Variants in ST8SIA6 observed in about 807,000 individuals in gnomAD.
ST8SIA6 encodes the protein alpha-2,8-sialyltransferase 8F.
ST8SIA6 carries 39 observed loss-of-function variants against 33.6 expected under a neutral mutation model. The observed-to-expected ratio is 1.16, with a 90% CI of 0.90 to 1.52. The LOEUF (loss-of-function observed/expected upper bound fraction) is 1.52. ST8SIA6 is among the 40% of genes most tolerant of loss of function. ST8SIA6 has a pLI of 0.00. For missense variants in ST8SIA6, 441 were observed against 443.8 expected, an observed-to-expected ratio of 0.99 and a Z score of 0.06; for synonymous variants, 172 against 167.2, an observed-to-expected ratio of 1.03 and a Z score of -0.22.
intron 4 of ST8SIA6, among the ~76,000 whole-genome samples, chr10:17,334,760 A>G (rs12254144): frequency 0.34 from 50,900 of 151,920 alleles, 9,910 homozygotes; most frequent in African/African-American, 0.53. Flanking sequence ...ACGTTTCAAA[A>G]TGATTACCAT....
intron 2 of ST8SIA6, among the ~76,000 whole-genome samples, chr10:17,449,460 T>C (rs1852834429): frequency 6.6e-6 from 1 of 152,186 alleles, no homozygotes. Context: ...CCTAGACCAC[T>C]TGAAACATCT....
chr10:17,400,597 T>G (rs922233981), intron 2 of ST8SIA6, among the ~76,000 whole-genome samples: 10 of 152,146 alleles, frequency 6.6e-5, no homozygotes, highest in Non-Finnish European at 1.5e-4. Flanking sequence ...CAAGTGGGCT[T>G]ATCCCTGGGA....
intron 4 of ST8SIA6, among the ~76,000 whole-genome samples, chr10:17,339,733 A>G (rs751173704): frequency 2.0e-5 from 3 of 152,206 alleles, no homozygotes; most frequent in Non-Finnish European, 2.9e-5. Context: ...TACATAGATT[A>G]TTTCACTTAA....
chr10:17,441,880 T>TC (rs1852508204), intron 2 of ST8SIA6, among the ~76,000 whole-genome samples: 1 of 151,952 alleles, frequency 6.6e-6, no homozygotes, highest in Non-Finnish European at 1.5e-5. Flanking sequence ...AATTTTTTTT[T>TC]TTTTTTGAGA....
intron 3 of ST8SIA6, among the ~76,000 whole-genome samples, chr10:17,371,228 C>T (rs1438168341): frequency 1.3e-5 from 2 of 152,120 alleles, no homozygotes; most frequent in Non-Finnish European, 2.9e-5. Context: ...AGAGGGAATT[C>T]CAGGACATCA....
intron 2 of ST8SIA6, among the ~76,000 whole-genome samples, chr10:17,406,903 T>TC (rs1191576448): frequency 1.3e-5 from 2 of 151,386 alleles, no homozygotes; most frequent in Non-Finnish European, 2.9e-5. Flanking sequence ...CAAGTGATTC[T>TC]CCCCCATCAG....
chr10:17,369,993 CT>C (rs34231362), intron 3 of ST8SIA6, among the ~76,000 whole-genome samples: 27,272 of 142,202 alleles, frequency 0.19, 2,707 homozygotes, highest in East Asian at 0.49. Flanking sequence ...CAATCACTGA[CT>C]TTTTTTTTTT....
At chr10:17,424,794 C>G (rs1410229768) in intron 2 of ST8SIA6, among the ~76,000 whole-genome samples, 3 of 150,134 alleles carry the variant, frequency 2.0e-5, no homozygotes, top group African/African-American at 7.4e-5. Context: ...AGTGCAGTGG[C>G]ACAATCTCGG....
At chr10:17,412,522 T>C (rs1443821884) in intron 2 of ST8SIA6, among the ~76,000 whole-genome samples, 3 of 152,196 alleles carry the variant, frequency 2.0e-5, no homozygotes, top group Non-Finnish European at 2.9e-5. Flanking sequence ...GGAATTAACC[T>C]GCGTGAGCTC....
intron 3 of ST8SIA6, among the ~76,000 whole-genome samples, chr10:17,371,813 T>TAAAAAAAAAAAA: frequency 8.6e-6 from 1 of 116,918 alleles, no homozygotes; most frequent in Non-Finnish European, 1.8e-5. Context: ...AGAAAGAAAG[T>TAAAAAAAAAAAA]AAAAAATGAG....
intron 2 of ST8SIA6, among the ~76,000 whole-genome samples, chr10:17,419,914 CTA>C (rs1851728555): frequency 6.6e-6 from 1 of 152,172 alleles, no homozygotes; most frequent in Non-Finnish European, 1.5e-5. Flanking sequence ...TGCAGTCATG[CTA>C]ATTTGAAAGA....
intron 4 of ST8SIA6, among the ~76,000 whole-genome samples, chr10:17,358,679 G>T (rs1472320278): frequency 2.8e-5 from 2 of 70,816 alleles, no homozygotes; most frequent in Non-Finnish European, 2.9e-5. Flanking sequence ...GAAGAAAGAA[G>T]AAGAGGAAGA....
Position 17,341,760 on chromosome 10 carries a change from G to C in ST8SIA6, c.378-10208C>G, listed in dbSNP as rs533989484. 3.3e-5 allele frequency among the ~76,000 whole-genome samples: 5 copies of C among 151,934 alleles called. No individual in the cohort carries two copies. In the South Asian group the frequency reaches 1.0e-3, roughly 32 times the overall value. On this transcript the variant is annotated intron_variant, in intron 4 of 7. Coordinates refer to ENST00000377602, the MANE Select transcript of ST8SIA6 (RefSeq NM_001004470.3). Reference sequence around the variant, plus strand: ...ACTAAAAATACAAAAAATTAGCCAGGTGTGTTGGCAGCCACCTGTAATCCC... The same window carrying C: ...ACTAAAAATACAAAAAATTAGCCAGCTGTGTTGGCAGCCACCTGTAATCCC...
intron 4 of ST8SIA6, among the ~76,000 whole-genome samples, chr10:17,333,703 ATATATATATATATATTTTTTT>A (rs1325708623): frequency 4.1e-5 from 1 of 24,382 alleles, no homozygotes; most frequent in Non-Finnish European, 6.7e-5. Flanking sequence ...ATATATATAT[ATATATATATATATATTTTTTT>A]TTTTTTTTTT....
At chr10:17,379,825 G>A (rs757844863) in intron 3 of ST8SIA6, among the ~76,000 whole-genome samples, 10 of 152,114 alleles carry the variant, frequency 6.6e-5, no homozygotes, top group Non-Finnish European at 8.8e-5. Context: ...GTCCTCAACC[G>A]TGGCAAAATA....
chr10:17,381,297 A>G (rs915845051), intron 3 of ST8SIA6, among the ~76,000 whole-genome samples: 4 of 152,128 alleles, frequency 2.6e-5, no homozygotes, highest in Non-Finnish European at 4.4e-5. Context: ...ACAACTACCT[A>G]GGGTTGTAAA....
At chr10:17,374,077 AC>A (rs1328764985) in intron 3 of ST8SIA6, among the ~76,000 whole-genome samples, 1 of 93,178 alleles carries the variant, frequency 1.1e-5, no homozygotes, top group Non-Finnish European at 2.0e-5. Context: ...ACCACCACAC[AC>A]ACACACACAC....
Position 17,454,521 on chromosome 10 carries a change from C to G in ST8SIA6, c.-266G>C, listed in dbSNP as rs1043721773. Among the ~76,000 whole-genome samples the G allele has an allele frequency of 6.6e-6, 1 of 151,890 alleles. No homozygotes were observed. The highest frequency in any genetic ancestry group is 1.5e-5 in the Non-Finnish European group (1 of 67,872). On this transcript the variant is annotated 5_prime_UTR_variant, in exon 1 of 8. Transcript: ENST00000377602. This position sits in a 1 kb window ranked among gnomAD's most constrained non-coding sequence, Gnocchi z 4.1. ...CGCGATCGGCTGGCAGATGACGATT[C>G]GCCGAGCTCGCCGCCTGTCCTCCCG...
At chr10:17,402,103 C>A (rs1253724881) in intron 2 of ST8SIA6, among the ~76,000 whole-genome samples, 2 of 152,156 alleles carry the variant, frequency 1.3e-5, no homozygotes, top group Non-Finnish European at 2.9e-5. Flanking sequence ...ACAACCCCAT[C>A]AACAAGTGGG....
Sources: gnomAD v4.1 joint callset for allele counts (sites outside exome capture counted in the v4.1 genomes callset) on GRCh38, gnomAD v4.1.1 for gene constraint, Gnocchi (gnomAD v3.1) non-coding constraint, MANE v1.5 for transcripts, NCBI Gene and HGNC (gene_info 2026-07-23, HGNC 2026-07-21) for gene names.